CDK5RAP3: variants seen among roughly 807,000 people sequenced by gnomAD.
The protein encoded by CDK5RAP3 is CDK5 regulatory subunit associated protein 3, also known as CDK5 regulatory subunit-associated protein 3.
In CDK5RAP3, 58 loss-of-function variants were observed where a neutral mutation model predicts 73.3. That is an observed-to-expected ratio of 0.79 (90% CI 0.64 to 0.98). The LOEUF (loss-of-function observed/expected upper bound fraction) is 0.98, where lower values mean the gene tolerates loss of function less well. Among genes scored for constraint, CDK5RAP3 ranks in the 50% least tolerant of loss-of-function variants. CDK5RAP3 has a pLI of 0.00. For missense variants in CDK5RAP3, 525 were observed against 615.8 expected (o/e 0.85, Z 1.56); for synonymous variants, 224 against 247.5 (o/e 0.91, Z 0.89).
In CDK5RAP3 at chr17:47,974,956, G is replaced by C. The variant is rs117524159; in HGVS notation, c.335-203G>C. The stretch of plus-strand genomic sequence containing the variant: ...TGTGGATTCTCTCTTGCATCTTCAT[G>C]ATAAATGTTATTGTCGCTGTTTTAC... On this transcript the variant is annotated intron_variant, in intron 5 of 13. Coordinates refer to ENST00000338399, the MANE Select transcript of CDK5RAP3 (RefSeq NM_176096.3). 3.6e-3 allele frequency: 5,229 copies of C among 1,440,278 alleles called. 15 individuals carry two copies. Among genetic ancestry groups the C allele is most frequent in the Non-Finnish European group, 4.3e-3 (4,727 of 1,097,120 alleles). 89.2% of individuals were successfully genotyped at this position (1,440,278 alleles called of 1,614,324 possible). A position where few individuals can be genotyped will look rare whatever the true frequency, so the allele number is the denominator to read the frequency against.
upstream of CDK5RAP3, among the ~76,000 whole-genome samples, chr17:47,968,376 G>A (rs573507432): frequency 1.3e-5 from 2 of 152,186 alleles, no homozygotes; most frequent in Admixed American, 6.5e-5. Context: ...GTGCAGTGGC[G>A]CAATCTGGGC....
chr17:47,970,880 T>G, upstream of CDK5RAP3: 1 of 1,426,072 alleles, frequency 7.0e-7, no homozygotes, highest in Non-Finnish European at 9.3e-7. Flanking sequence ...GCGCACCCCC[T>G]CCCGTCCCCT....
At chr17:47,969,278 C>T (rs1345072171), upstream of CDK5RAP3, among the ~76,000 whole-genome samples, 2 of 151,628 alleles carry the variant, frequency 1.3e-5, no homozygotes, top group African/African-American at 2.4e-5. Context: ...TACCCAGGGC[C>T]GGGCGCGGTG....
In CDK5RAP3 at chr17:47,981,317, A is replaced by G; in HGVS notation, c.1438A>G (p.Lys480Glu). ...GCTGGACCTGCTACTGGAGAAGACC[A>G]AGGAGCTGCAGAAGCTGGTGAGATG... ...PKLDLLLEKT[K>E]ELQKLIEADI... is the part of the protein sequence containing the mutation. Residue 480 changes from lysine to glutamate, a missense_variant, in exon 13 of 14, where the codon AAG becomes GAG. Physicochemically the swap from Lys to Glu is moderately conservative, Grantham distance 56. Around this residue, in one of 2 missense-constraint regions of CDK5RAP3, gnomAD observed 116 missense variants for 186.1 expected, o/e 0.62. Transcript: ENST00000338399. 6.2e-7 allele frequency: 1 copy of G among 1,614,198 alleles called. No homozygotes were observed. Among genetic ancestry groups the G allele is most frequent in the Non-Finnish European group, 8.5e-7 (1 of 1,179,990 alleles).
chr17:47,975,708 C>T (rs1235813177), intron 7 of CDK5RAP3, 55 bp downstream of exon 7: 33 of 1,568,824 alleles, frequency 2.1e-5, no homozygotes, highest in Non-Finnish European at 2.8e-5. Flanking sequence ...TTCCCCAGCT[C>T]ATGACCCTTC....
chr17:47,975,306 T>G lies in CDK5RAP3; in HGVS notation c.482T>G (p.Phe161Cys). ...QAGAAEMREQ[F>C]YHSCKQYGIT... is the part of the protein sequence containing the mutation. Reference sequence around the variant, plus strand: ...GGGGCTGCCGAGATGCGGGAGCAGTTCTACCACTCCTGCAAGCAGTATGGC... The same window carrying G: ...GGGGCTGCCGAGATGCGGGAGCAGTGCTACCACTCCTGCAAGCAGTATGGC... The change falls in exon 6 of 14, where the codon TTC becomes TGC. Residue 161 changes from phenylalanine (F) to cysteine (C), a missense_variant. By Grantham distance (205) the Phe-to-Cys change is radical. This residue lies in a region of CDK5RAP3 where 409 missense variants were observed against 429.8 expected (regional missense o/e 0.95). Coordinates refer to ENST00000338399, the MANE Select transcript of CDK5RAP3 (RefSeq NM_176096.3). 6.2e-7 allele frequency: 1 copy of G among 1,614,094 alleles called. No homozygotes were observed. The highest frequency in any genetic ancestry group is 1.1e-5 in the South Asian group (1 of 91,080).
chr17:47,974,056 G>A, intron 4 of CDK5RAP3, 25 bp downstream of exon 4: 1 of 1,525,680 alleles, frequency 6.6e-7, no homozygotes, highest in Non-Finnish European at 9.1e-7. Context: ...AGGGCCGGTA[G>A]TATGTGGTTG....
intron 2 of CDK5RAP3, 85 bp downstream of exon 2, chr17:47,971,492 C>T (rs2525085): frequency 7.6e-7 from 1 of 1,308,566 alleles, no homozygotes; most frequent in South Asian, 1.5e-5. Context: ...GAGCTCTGAC[C>T]CCTGAAAGCC....
intron 3 of CDK5RAP3, 21 bp from the exon 4 acceptor site, chr17:47,973,910 A>G (rs1567723266): frequency 2.5e-6 from 4 of 1,590,910 alleles, no homozygotes; most frequent in South Asian, 1.1e-5. Flanking sequence ...AGTTCTCGAA[A>G]TCCCGTCTCT....
At position 47,978,911 on chromosome 17, in the gene CDK5RAP3, C is replaced by T. The variant is rs936301816; in HGVS notation, c.1071C>T (p.Leu357=). 5.6e-6 allele frequency: 9 copies of T among 1,612,988 alleles called. No homozygotes were observed. The highest frequency in any genetic ancestry group is 2.7e-5 in the African/African-American group (2 of 74,866). ...TETRNQFLDE[L]MELEIFLAQR... ...CCCGGAATCAGTTCCTTGATGAGCT[C>T]ATGGAGGTACTGTCATCTCTGGAAG... is the stretch of plus-strand genomic sequence containing the variant. The change falls in exon 11 of 14, where the codon CTC becomes CTT. Residue 357 remains leucine (L), a synonymous_variant. Coordinates refer to ENST00000338399, the MANE Select transcript of CDK5RAP3 (RefSeq NM_176096.3).
At chr17:47,977,395 G>A (rs553450357) in intron 9 of CDK5RAP3, among the ~76,000 whole-genome samples, 15 of 152,240 alleles carry the variant, frequency 9.9e-5, no homozygotes, top group African/African-American at 3.6e-4. Flanking sequence ...TGATCCGCCC[G>A]CCTCAGCCTC....
chr17:47,979,037 TA>T, intron 11 of CDK5RAP3, 120 bp downstream of exon 11: 1 of 744,510 alleles, frequency 1.3e-6, no homozygotes, highest in Non-Finnish European at 2.4e-6. Context: ...ATTTGTGTCC[TA>T]CAGCAGGAGC....
chr17:47,970,714 A>T (rs529471022), upstream of CDK5RAP3: 1,220 of 1,535,608 alleles, frequency 7.9e-4, 6 homozygotes, highest in Non-Finnish European at 9.7e-4. Flanking sequence ...CGACGCAAGG[A>T]GGGAAGAAGG....
intron 12 of CDK5RAP3, 85 bp downstream of exon 12, chr17:47,980,883 A>C: frequency 7.2e-7 from 1 of 1,389,718 alleles, no homozygotes; most frequent in Non-Finnish European, 1.0e-6. Context: ...TGACCCCTTA[A>C]ACCCCATCCC....
rs1482401550 is a variant in CDK5RAP3, at chr17:47,977,893, T to A, written c.971T>A (p.Leu324Gln). The A allele has an allele frequency of 6.2e-7, 1 of 1,614,110 alleles. No homozygotes were observed. Among genetic ancestry groups the A allele is most frequent in the Non-Finnish European group, 8.5e-7 (1 of 1,179,960 alleles). Residue 324 changes from leucine (L) to glutamine (Q), a missense_variant, in exon 10 of 14, where the codon CTG (leucine) becomes CAG (glutamine). By Grantham distance (113) the Leu-to-Gln change is moderately radical. This residue lies in a region of CDK5RAP3 where 409 missense variants were observed against 429.8 expected (regional missense o/e 0.95). Transcript: ENST00000338399. Reference sequence around the variant, plus strand: ...GCTGTTGCTTTGCAGATCACAGTGCTGGAAGCAGGAACCCAGGGTAAGTGC... The same window carrying A: ...GCTGTTGCTTTGCAGATCACAGTGCAGGAAGCAGGAACCCAGGGTAAGTGC... ...DDAVALQITV[L>Q]EAGTQAPEGV...
chr17:47,971,123 G>T lies in CDK5RAP3; in HGVS notation c.-24G>T. 1.3e-6 allele frequency: 2 copies of T among 1,551,766 alleles called. No individual in the cohort carries two copies. Among genetic ancestry groups the T allele is most frequent in the Non-Finnish European group, 8.7e-7 (1 of 1,147,012 alleles). On this transcript the variant is annotated 5_prime_UTR_variant, in exon 1 of 14. Coordinates refer to ENST00000338399, the MANE Select transcript of CDK5RAP3 (RefSeq NM_176096.3). Reference sequence around the variant, plus strand: ...AGGGCGGGGCGGGCCACAGTCTCCAGCCTGAAGCGGAAGTGGAGGAAAGAT... The same window carrying T: ...AGGGCGGGGCGGGCCACAGTCTCCATCCTGAAGCGGAAGTGGAGGAAAGAT...
chr17:47,980,284 T>A (rs1266434206), intron 11 of CDK5RAP3: 1 of 287,510 alleles, frequency 3.5e-6, no homozygotes, highest in Non-Finnish European at 6.7e-6. Flanking sequence ...TTCTTCCTTT[T>A]TTTTTAAAAA....
At chr17:47,970,902 G>C, upstream of CDK5RAP3, 1 of 1,441,918 alleles carries the variant, frequency 6.9e-7, no homozygotes, top group Non-Finnish European at 9.1e-7. Flanking sequence ...CCCTGAGCCC[G>C]CCTCGCGTCT....
intron 2 of CDK5RAP3, 76 bp from the exon 3 acceptor site, chr17:47,973,443 T>G: frequency 3.9e-6 from 6 of 1,537,666 alleles, no homozygotes; most frequent in Non-Finnish European, 5.4e-6. Flanking sequence ...CTAATTTCAG[T>G]GTATTTCACT....
Sources: gnomAD v4.1 joint callset for allele counts (sites outside exome capture counted in the v4.1 genomes callset) on GRCh38, gnomAD v4.1.1 for gene constraint, gnomAD v4.1.1 regional missense constraint, MANE v1.5 for transcripts, NCBI Gene and HGNC (gene_info 2026-07-23, HGNC 2026-07-21) for gene names.